SLC2A13: variants seen among roughly 807,000 people sequenced by gnomAD.
SLC2A13 encodes the protein solute carrier family 2 member 13.
A neutral mutation model predicts 64.4 loss-of-function variants in SLC2A13; 32 were observed. That is an observed-to-expected ratio of 0.50 (90% CI 0.37 to 0.67). SLC2A13 has a LOEUF of 0.67. SLC2A13 is among the 30% of genes least tolerant of loss of function. The probability of loss-of-function intolerance (pLI) is 0.00; values close to 1 mark genes in which losing one functional copy is unlikely to be tolerated. For missense variants in SLC2A13, 743 were observed against 829.2 expected (o/e 0.90, Z 1.28); for synonymous variants, 338 against 327.1 (o/e 1.03, Z -0.36).
chr12:39,896,414 ATG>A lies in SLC2A13; in HGVS notation c.1035-24455_1035-24454del, dbSNP rs532428439. On this transcript the variant is annotated intron_variant, in intron 4 of 9. Transcript: ENST00000280871. ...TGTGTATATATGTATACATATATGT[ATG>A]TATATGTGTATATATGTATACATAT... Among the ~76,000 whole-genome samples, 108 of 118,372 alleles carry A rather than the reference ATG, an allele frequency of 9.1e-4. 1 individual carries two copies. The highest frequency in any genetic ancestry group is 0.011 in the Middle Eastern group (1 of 92). 77.7% of individuals were successfully genotyped at this position (118,372 alleles called of 152,430 possible).
intron 3 of SLC2A13, among the ~76,000 whole-genome samples, chr12:39,983,920 G>A: frequency 6.8e-6 from 1 of 148,134 alleles, no homozygotes; most frequent in South Asian, 2.2e-4. Flanking sequence ...CAAAGACTTG[G>A]AACCAACCCA....
At chr12:39,891,714 A>G (rs559560022) in intron 4 of SLC2A13, among the ~76,000 whole-genome samples, 2 of 152,180 alleles carry the variant, frequency 1.3e-5, no homozygotes, top group Non-Finnish European at 2.9e-5. Context: ...AGTTATGAAC[A>G]TGCCTTAGGT....
At chr12:39,768,545 C>A (rs1308100392) in intron 7 of SLC2A13, among the ~76,000 whole-genome samples, 1 of 151,912 alleles carries the variant, frequency 6.6e-6, no homozygotes, top group Non-Finnish European at 1.5e-5. Context: ...CATTTAGAGG[C>A]CATTGTAGAG....
rs1402027985 is a variant in SLC2A13, at chr12:40,105,225, G to A, written c.556+28C>T. The A allele has an allele frequency of 6.5e-7, 1 of 1,534,784 alleles. No individual in the cohort carries two copies. The highest frequency in any genetic ancestry group is 8.7e-7 in the Non-Finnish European group (1 of 1,144,574). The stretch of plus-strand genomic sequence containing the variant: ...TCAAGGGCGGTGACAATGGGATCCC[G>A]GGCGCCCTTCACGGAGCCCGAACTC... On this transcript the variant is annotated intron_variant, in intron 1 of 9. Transcript: ENST00000280871. This position sits in a 1 kb window ranked among gnomAD's most constrained non-coding sequence, Gnocchi z 4.2.
At chr12:39,929,550 C>CA (rs879342151) in intron 4 of SLC2A13, among the ~76,000 whole-genome samples, 1,746 of 134,058 alleles carry the variant, frequency 0.013, 8 homozygotes, top group Non-Finnish European at 0.017. Context: ...GAGTCCATCT[C>CA]AAAAAAAAAA....
At chr12:39,846,317 A>C (rs1030579966) in intron 6 of SLC2A13, among the ~76,000 whole-genome samples, 38 of 152,266 alleles carry the variant, frequency 2.5e-4, no homozygotes, top group African/African-American at 7.2e-4. Context: ...GGACAATAGG[A>C]GCATCACATT....
intron 4 of SLC2A13, among the ~76,000 whole-genome samples, chr12:39,932,091 C>A (rs1945834469): frequency 1.3e-5 from 2 of 152,118 alleles, no homozygotes; most frequent in African/African-American, 4.8e-5. Flanking sequence ...AAGGCTCTTG[C>A]AACACATTTT....
At chr12:39,767,988 G>C (rs943399702) in intron 7 of SLC2A13, among the ~76,000 whole-genome samples, 9 of 152,096 alleles carry the variant, frequency 5.9e-5, no homozygotes, top group Admixed American at 2.0e-4. Context: ...GTCTCAGGCA[G>C]TTATTTATAG....
chr12:39,898,121 CT>C (rs747934723), intron 4 of SLC2A13, among the ~76,000 whole-genome samples: 1 of 152,120 alleles, frequency 6.6e-6, no homozygotes, highest in Non-Finnish European at 1.5e-5. Context: ...TTAAAGCCTT[CT>C]GGTGAACATA....
chr12:39,799,848 A>G (rs1225508270), intron 7 of SLC2A13, among the ~76,000 whole-genome samples: 2 of 152,226 alleles, frequency 1.3e-5, no homozygotes, highest in African/African-American at 2.4e-5. Context: ...TGCCTTAGCA[A>G]GAAACTTGGT....
intron 6 of SLC2A13, among the ~76,000 whole-genome samples, chr12:39,858,715 T>A (rs962186555): frequency 1.3e-5 from 2 of 152,158 alleles, no homozygotes; most frequent in Non-Finnish European, 2.9e-5. Context: ...CAAGCGATTC[T>A]CCTGCCTCAG....
intron 7 of SLC2A13, among the ~76,000 whole-genome samples, chr12:39,801,873 T>TTA (rs1941804137): frequency 6.6e-6 from 1 of 152,138 alleles, no homozygotes; most frequent in Non-Finnish European, 1.5e-5. Flanking sequence ...AAAGCAGACA[T>TTA]TACTCACTCA....
intron 7 of SLC2A13, among the ~76,000 whole-genome samples, chr12:39,786,229 T>A (rs1941181190): frequency 6.6e-6 from 1 of 152,160 alleles, no homozygotes. Flanking sequence ...GGTAATTGAA[T>A]CATGGGGGCT....
At chr12:39,829,958 C>A in intron 7 of SLC2A13, 145 bp downstream of exon 7, 1 of 1,010,228 alleles carries the variant, frequency 9.9e-7, no homozygotes, top group Non-Finnish European at 1.5e-6. Flanking sequence ...TTTGCATCCA[C>A]TATCACCAGT....
At chr12:40,082,138 T>C (rs1264720162) in intron 1 of SLC2A13, among the ~76,000 whole-genome samples, 2 of 152,116 alleles carry the variant, frequency 1.3e-5, no homozygotes, top group African/African-American at 4.8e-5. Flanking sequence ...GCAGCAGGGG[T>C]CCCTGCACAT....
At chr12:40,065,418 C>G (rs11174998) in intron 1 of SLC2A13, among the ~76,000 whole-genome samples, 1 of 145,658 alleles carries the variant, frequency 6.9e-6, no homozygotes, top group Non-Finnish European at 1.5e-5. Flanking sequence ...CTCATCTTTA[C>G]AAGAAAAAAA....
In SLC2A13 at chr12:40,105,109, TG is replaced by T. The variant is rs1163517129; in HGVS notation, c.556+143del. The T allele has an allele frequency of 1.4e-5, 15 of 1,082,696 alleles. 1 individual carries two copies. In the Admixed American group the frequency reaches 1.4e-4, roughly 10 times the overall value. 67.1% of individuals were successfully genotyped at this position (1,082,696 alleles called of 1,614,324 possible). On this transcript the variant is annotated intron_variant, in intron 1 of 9. Coordinates refer to ENST00000280871, the MANE Select transcript of SLC2A13 (RefSeq NM_052885.4). This position sits in a 1 kb window ranked among gnomAD's most constrained non-coding sequence, Gnocchi z 4.2. ...CTTGGAGGCTGGACCAACAAACAGA[TG>T]GGCTCTGGAGGCCAGAGAAGTGGAG... is the stretch of plus-strand genomic sequence containing the variant.
intron 1 of SLC2A13, among the ~76,000 whole-genome samples, chr12:40,080,728 A>G (rs1938364927): frequency 6.6e-6 from 1 of 152,208 alleles, no homozygotes; most frequent in African/African-American, 2.4e-5. Context: ...TGATGTTAAG[A>G]TTTGATCCTG....
intron 1 of SLC2A13, among the ~76,000 whole-genome samples, chr12:40,093,143 T>C (rs1938823722): frequency 6.6e-6 from 1 of 152,244 alleles, no homozygotes; most frequent in Admixed American, 6.5e-5. Flanking sequence ...ACTCATTTCA[T>C]TGCAGGTACT....
Sources: allele counts gnomAD v4.1 joint callset (sites outside exome capture counted in the v4.1 genomes callset), GRCh38; gene constraint gnomAD v4.1.1; non-coding constraint Gnocchi (gnomAD v3.1); transcripts MANE v1.5; gene names NCBI Gene and HGNC (gene_info 2026-07-23, HGNC 2026-07-21).